Variants in ULBP1 observed in about 807,000 individuals in gnomAD.
The protein encoded by ULBP1 is UL16 binding protein 1, also known as UL16-binding protein 1.
ULBP1 carries 28 observed loss-of-function variants against 25.3 expected under a neutral mutation model. That is an observed-to-expected ratio of 1.10 (90% CI 0.82 to 1.51). The LOEUF is 1.51. Among genes scored for constraint, ULBP1 ranks in the 40% most tolerant of loss-of-function variants. The pLI is 0.00. For missense variants in ULBP1, 348 were observed against 290.9 expected (o/e 1.20, Z -1.43); for synonymous variants, 129 against 103.0 (o/e 1.25, Z -1.53).
At chr6:149,969,876 C>A in intron 3 of ULBP1, 140 bp from the exon 4 acceptor site, 2 of 1,153,696 alleles carry the variant, frequency 1.7e-6, no homozygotes, top group Non-Finnish European at 2.4e-6. Context: ...TACCCCAAGA[C>A]TTGTCCCAGA....
chr6:149,968,807 G>T lies in ULBP1; in HGVS notation c.286G>T (p.Asp96Tyr). ...GGAAGAACAAACTGAAACACTAAGA[G>T]ACGTGGTGGATTTCCTTAAAGGGCA... ...TWEEQTETLR[D>Y]VVDFLKGQLL... is the part of the protein sequence containing the mutation. Residue 96 changes from aspartate to tyrosine, a missense_variant, in exon 2 of 5, where the codon GAC becomes TAC. By Grantham distance (160) the Asp-to-Tyr change is radical (BLOSUM62 -3). Coordinates refer to ENST00000229708, the MANE Select transcript of ULBP1 (RefSeq NM_025218.4). 1 of 1,614,254 alleles carries T rather than the reference G, an allele frequency of 6.2e-7. No individual in the cohort carries two copies. The highest frequency in any genetic ancestry group is 8.5e-7 in the Non-Finnish European group (1 of 1,180,048).
In ULBP1 at chr6:149,970,198, G is replaced by A. The variant is rs1194305929; in HGVS notation, c.*22+51G>A. On this transcript the variant is annotated intron_variant, in intron 4 of 4. Transcript: ENST00000229708. Reference sequence around the variant, plus strand: ...AGCAAGAGGCAGATGGGTGAGATGGGAGGATGTGGAAGGAGAATTCCCAGA... The same window carrying A: ...AGCAAGAGGCAGATGGGTGAGATGGAAGGATGTGGAAGGAGAATTCCCAGA... The A allele has an allele frequency of 2.0e-6, 3 of 1,529,052 alleles. No individual in the cohort carries two copies. In the African/African-American group the frequency reaches 4.1e-5, roughly 21 times the overall value. 94.7% of individuals were successfully genotyped at this position (1,529,052 alleles called of 1,614,324 possible). A position where few individuals can be genotyped will look rare whatever the true frequency, so the allele number is the denominator to read the frequency against.
chr6:149,973,229 A>C lies in ULBP1; in HGVS notation c.*1883A>C, dbSNP rs1402212291. ...ATCCTAAGCAACCTAATGCAAGAAC[A>C]GAAAACCACATACTGCATCTTCCCA... On this transcript the variant is annotated 3_prime_UTR_variant, in exon 5 of 5. Transcript: ENST00000229708. The C allele has an allele frequency of 6.6e-6, 1 of 152,268 alleles. No homozygotes were observed. Among genetic ancestry groups the C allele is most frequent in the Non-Finnish European group, 1.5e-5 (1 of 68,052 alleles). 9.4% of individuals were successfully genotyped at this position (152,268 alleles called of 1,614,324 possible). A position where few individuals can be genotyped will look rare whatever the true frequency, so the allele number is the denominator to read the frequency against.
At position 149,968,817 on chromosome 6, in the gene ULBP1, A is replaced by G; in HGVS notation, c.296A>G (p.Asp99Gly). ...ACTGAAACACTAAGAGACGTGGTGG[A>G]TTTCCTTAAAGGGCAACTGCTTGAC... The part of the protein sequence containing the change: ...EQTETLRDVV[D>G]FLKGQLLDIQ... Residue 99 changes from aspartate (D) to glycine (G), a missense_variant, in exon 2 of 5, where the codon GAT becomes GGT. By Grantham distance (94) the Asp-to-Gly change is moderately conservative. Transcript: ENST00000229708. 1.2e-6 allele frequency: 2 copies of G among 1,614,248 alleles called. No individual in the cohort carries two copies. Among genetic ancestry groups the G allele is most frequent in the East Asian group, 2.2e-5 (1 of 44,884 alleles).
At chr6:149,966,567 C>T (rs1779208130) in intron 1 of ULBP1, among the ~76,000 whole-genome samples, 1 of 152,156 alleles carries the variant, frequency 6.6e-6, no homozygotes, top group Admixed American at 6.5e-5. Context: ...ATGTAGTGTC[C>T]TGGGGATCGG....
chr6:149,968,798 A>G lies in ULBP1; in HGVS notation c.277A>G (p.Thr93Ala). 1.2e-6 allele frequency: 2 copies of G among 1,614,224 alleles called. No individual in the cohort carries two copies. The highest frequency in any genetic ancestry group is 1.7e-6 in the Non-Finnish European group (2 of 1,180,054). Residue 93 changes from threonine (T) to alanine (A), a missense_variant, in exon 2 of 5, where the codon ACA (threonine) becomes GCA (alanine). Thr to Ala is a moderately conservative substitution (Grantham distance 58). Coordinates refer to ENST00000229708, the MANE Select transcript of ULBP1 (RefSeq NM_025218.4). Reference sequence around the variant, plus strand: ...AAAAACCTGGGAAGAACAAACTGAAACACTAAGAGACGTGGTGGATTTCCT... The same window carrying G: ...AAAAACCTGGGAAGAACAAACTGAAGCACTAAGAGACGTGGTGGATTTCCT... ...VTKTWEEQTETLRDVVDFLKG... is the reference protein window; with the variant it reads ...VTKTWEEQTEALRDVVDFLKG...
In ULBP1 at chr6:149,968,596, T is replaced by A. The variant is rs567557684; in HGVS notation, c.86-11T>A. 1 of 1,598,050 alleles carries A rather than the reference T, an allele frequency of 6.3e-7. No individual in the cohort carries two copies. Among genetic ancestry groups the A allele is most frequent in the South Asian group, 1.1e-5 (1 of 89,784 alleles). ...CCCACACCAACCCCCTCCTGTGTTTTTCTTCCACAGACACACACTGTCTTT... is the reference window on the plus strand; with the variant it reads ...CCCACACCAACCCCCTCCTGTGTTTATCTTCCACAGACACACACTGTCTTT... On this transcript the variant is annotated splice_polypyrimidine_tract_variant and intron_variant, in intron 1 of 4. Transcript: ENST00000229708.
In ULBP1 at chr6:149,970,175, C is replaced by A. The variant is rs1385372633; in HGVS notation, c.*22+28C>A. On this transcript the variant is annotated intron_variant, in intron 4 of 4. Coordinates refer to ENST00000229708, the MANE Select transcript of ULBP1 (RefSeq NM_025218.4). Reference sequence around the variant, plus strand: ...ACTGTGGGCAATATTGGGAGGGGAGCAAGAGGCAGATGGGTGAGATGGGAG... The same window carrying A: ...ACTGTGGGCAATATTGGGAGGGGAGAAAGAGGCAGATGGGTGAGATGGGAG... The A allele has an allele frequency of 3.9e-6, 6 of 1,554,506 alleles. No homozygotes were observed. In the South Asian group the frequency reaches 7.2e-5, roughly 19 times the overall value.
Position 149,969,283 on chromosome 6 carries a change from A to T in ULBP1, c.548A>T (p.Gln183Leu). The T allele has an allele frequency of 3.7e-6, 6 of 1,614,274 alleles. No individual in the cohort carries two copies. The highest frequency in any genetic ancestry group is 5.1e-6 in the Non-Finnish European group (6 of 1,180,040). ...EKNRDVTMFF[Q>L]KISLGDCKMW... is the part of the protein sequence containing the mutation. ...AACAGGGATGTGACCATGTTCTTCC[A>T]GAAGATTTCACTGGGGGATTGTAAG... The change falls in exon 3 of 5, where the codon CAG becomes CTG. Residue 183 changes from glutamine to leucine, a missense_variant. Physicochemically the swap from Gln to Leu is moderately radical, Grantham distance 113. Coordinates refer to ENST00000229708, the MANE Select transcript of ULBP1 (RefSeq NM_025218.4).
intron 1 of ULBP1, 112 bp downstream of exon 1, chr6:149,964,246 G>A: frequency 9.4e-7 from 1 of 1,067,362 alleles, no homozygotes; most frequent in Non-Finnish European, 1.2e-6. Context: ...CGATCTCCCT[G>A]AACGAACATC....
rs983971918 is a variant in ULBP1 at position 149,963,945 on chromosome 6, A to G, written c.-105A>G. On this transcript the variant is annotated 5_prime_UTR_variant, in exon 1 of 5. Coordinates refer to ENST00000229708, the MANE Select transcript of ULBP1 (RefSeq NM_025218.4). Reference sequence around the variant, plus strand: ...GCATGCCTAGGATCCCGCCCAGTGTATCCCTGCGCGCGGCGGGCCGGGCTG... The same window carrying G: ...GCATGCCTAGGATCCCGCCCAGTGTGTCCCTGCGCGCGGCGGGCCGGGCTG... The G allele has an allele frequency of 1.8e-6, 2 of 1,129,242 alleles. No individual in the cohort carries two copies. Among genetic ancestry groups the G allele is most frequent in the Admixed American group, 4.0e-5 (2 of 49,876 alleles). 70.0% of individuals were successfully genotyped at this position (1,129,242 alleles called of 1,614,324 possible).
intron 1 of ULBP1, among the ~76,000 whole-genome samples, chr6:149,964,782 C>T (rs2114704726): frequency 7.0e-6 from 1 of 143,576 alleles, no homozygotes; most frequent in East Asian, 2.0e-4. Flanking sequence ...CGCGTTCTAC[C>T]CCAACATCGC....
At chr6:149,967,478 T>C (rs1225663373) in intron 1 of ULBP1, among the ~76,000 whole-genome samples, 1 of 152,210 alleles carries the variant, frequency 6.6e-6, no homozygotes, top group Admixed American at 6.5e-5. Flanking sequence ...TTCTCAAAGC[T>C]GGGCAAAGGA....
intron 1 of ULBP1, among the ~76,000 whole-genome samples, chr6:149,964,964 C>T (rs911431871): frequency 1.4e-5 from 2 of 145,228 alleles, no homozygotes; most frequent in African/African-American, 2.5e-5. Context: ...GCGATCTCGC[C>T]GAACATGCCC....
intron 1 of ULBP1, among the ~76,000 whole-genome samples, chr6:149,965,808 A>G (rs1471607391): frequency 6.7e-6 from 1 of 150,366 alleles, no homozygotes; most frequent in Non-Finnish European, 1.5e-5. Flanking sequence ...GCATCCTTTC[A>G]CTCCCCATCT....
chr6:149,970,304 C>A (rs925361200), intron 4 of ULBP1, among the ~76,000 whole-genome samples, 157 bp downstream of exon 4: 2 of 152,122 alleles, frequency 1.3e-5, no homozygotes, highest in African/African-American at 4.8e-5. Flanking sequence ...ATGACCTGGG[C>A]AGCTCAACCT....
At chr6:149,971,298 G>C (rs1444309634) in intron 4 of ULBP1, 71 bp from the exon 5 acceptor site, 30 of 973,636 alleles carry the variant, frequency 3.1e-5, no homozygotes, top group Non-Finnish European at 3.5e-5. Flanking sequence ...GAGGGCCTGG[G>C]AAGGATCACC....
intron 3 of ULBP1, among the ~76,000 whole-genome samples, chr6:149,969,669 T>A (rs1779276669): frequency 6.6e-6 from 1 of 152,220 alleles, no homozygotes; most frequent in Admixed American, 6.5e-5. Flanking sequence ...AATCACCTTT[T>A]CTTTCCTCTC....
rs771880603 is a variant in ULBP1, at chr6:149,970,108, A to T, written c.718A>T (p.Ile240Phe). 43 of 1,610,698 alleles carry T rather than the reference A, an allele frequency of 2.7e-5. No homozygotes were observed. Among genetic ancestry groups the T allele is most frequent in the Non-Finnish European group, 2.5e-5 (30 of 1,178,544 alleles). ...WSLLIIFLCF[I>F]LAGR ...CCTTCTCATCATCTTCCTCTGCTTC[A>T]TTCTAGCTGGCAGATGAGGAGAGTT... Residue 240 changes from isoleucine (I) to phenylalanine (F), a missense_variant, in exon 4 of 5, where the codon ATT becomes TTT. Coordinates refer to ENST00000229708, the MANE Select transcript of ULBP1 (RefSeq NM_025218.4).
Sources: gnomAD v4.1 joint callset for allele counts (sites outside exome capture counted in the v4.1 genomes callset) on GRCh38, gnomAD v4.1.1 for gene constraint, MANE v1.5 for transcripts, NCBI Gene and HGNC (gene_info 2026-07-23, HGNC 2026-07-21) for gene names.